Variants in ERC1 observed in about 807,000 individuals in gnomAD.
The protein encoded by ERC1 is RAB6 interacting protein 2.
Under a neutral mutation model 132.0 loss-of-function variants are expected in ERC1, and 56 were observed. The observed-to-expected ratio is 0.42, with a 90% CI of 0.34 to 0.53. The LOEUF (loss-of-function observed/expected upper bound fraction) is 0.53. Among genes scored for constraint, ERC1 ranks in the 20% least tolerant of loss-of-function variants. The probability of loss-of-function intolerance (pLI) is 0.03; values close to 1 mark genes in which losing one functional copy is unlikely to be tolerated. For missense variants in ERC1, 1,202 were observed against 1,349.9 expected, an observed-to-expected ratio of 0.89 and a Z score of 1.72; for synonymous variants, 478 against 476.1, an observed-to-expected ratio of 1.00 and a Z score of -0.05.
At chr12:1,137,899 T>C (rs1949417410) in intron 7 of ERC1, among the ~76,000 whole-genome samples, 1 of 142,602 alleles carries the variant, frequency 7.0e-6, no homozygotes, top group South Asian at 2.1e-4. Context: ...ATATTATGTA[T>C]ATTATTTATA....
intron 4 of ERC1, among the ~76,000 whole-genome samples, chr12:1,109,699 T>G (rs1256373798): frequency 6.6e-6 from 1 of 152,216 alleles, no homozygotes; most frequent in Non-Finnish European, 1.5e-5. Context: ...AAAATCATAC[T>G]GTGGATATGA....
At chr12:1,205,209 G>A (rs983902507) in intron 12 of ERC1, among the ~76,000 whole-genome samples, 2 of 151,870 alleles carry the variant, frequency 1.3e-5, no homozygotes, top group African/African-American at 4.8e-5. Flanking sequence ...TGAGAGAAGC[G>A]GCACAAAACA....
chr12:1,118,848 A>C (rs1946739913), intron 7 of ERC1, among the ~76,000 whole-genome samples: 3 of 152,216 alleles, frequency 2.0e-5, no homozygotes, highest in Non-Finnish European at 4.4e-5. Context: ...ATATGAAAAA[A>C]GAACATGGAG....
intron 13 of ERC1, among the ~76,000 whole-genome samples, chr12:1,239,220 A>G (rs968558501): frequency 6.6e-6 from 1 of 152,002 alleles, no homozygotes; most frequent in Admixed American, 6.6e-5. Context: ...GCAGGCTTGT[A>G]ATTTTTTAAT....
chr12:1,385,352 G>T (rs916314548), intron 16 of ERC1, among the ~76,000 whole-genome samples: 2 of 151,762 alleles, frequency 1.3e-5, no homozygotes, highest in Non-Finnish European at 2.9e-5. Flanking sequence ...GTGTGATCAC[G>T]GCTCACTGCA....
intron 16 of ERC1, among the ~76,000 whole-genome samples, chr12:1,381,851 G>T (rs2088711585): frequency 6.6e-6 from 1 of 152,122 alleles, no homozygotes; most frequent in African/African-American, 2.4e-5. Context: ...GCCATTCTGT[G>T]CTTTTTTTCA....
At chr12:1,445,733 C>A (rs896077916) in intron 18 of ERC1, among the ~76,000 whole-genome samples, 2 of 152,054 alleles carry the variant, frequency 1.3e-5, no homozygotes, top group African/African-American at 4.8e-5. Flanking sequence ...CTCAAGTATC[C>A]GAAAGGGCTG....
intron 18 of ERC1, among the ~76,000 whole-genome samples, chr12:1,454,045 C>T (rs1206224965): frequency 6.6e-6 from 1 of 152,042 alleles, no homozygotes; most frequent in Non-Finnish European, 1.5e-5. Context: ...GACTCTCCAG[C>T]CCACACCCCA....
At chr12:1,056,753 C>T (rs534546443) in intron 2 of ERC1, among the ~76,000 whole-genome samples, 16 of 152,220 alleles carry the variant, frequency 1.1e-4, no homozygotes, top group African/African-American at 2.4e-4. Context: ...CCCAGGTAGC[C>T]GTTTTCTGTT....
intron 11 of ERC1, 140 bp downstream of exon 11, chr12:1,183,561 T>C: frequency 2.1e-6 from 1 of 474,360 alleles, no homozygotes. Flanking sequence ...TCTGAATTAA[T>C]TATCTTAGCA....
chr12:996,668 ATTG>A (rs1317886022), intron 1 of ERC1, among the ~76,000 whole-genome samples: 3 of 152,132 alleles, frequency 2.0e-5, no homozygotes, highest in Non-Finnish European at 4.4e-5. Context: ...ATGACTTCTT[ATTG>A]TTGTTGTTAA....
At chr12:1,043,339 G>A (rs139327726) in intron 2 of ERC1, among the ~76,000 whole-genome samples, 7 of 152,128 alleles carry the variant, frequency 4.6e-5, no homozygotes, top group African/African-American at 7.2e-5. Flanking sequence ...CACTGCGCCC[G>A]GCCTGTACAG....
intron 13 of ERC1, among the ~76,000 whole-genome samples, chr12:1,260,826 T>C (rs971829410): frequency 5.3e-5 from 8 of 152,256 alleles, no homozygotes; most frequent in Admixed American, 5.2e-4. Context: ...ATGTGACTTA[T>C]AATATCACGT....
At chr12:1,285,459 G>T (rs1039378510) in intron 14 of ERC1, among the ~76,000 whole-genome samples, 1 of 152,056 alleles carries the variant, frequency 6.6e-6, no homozygotes, top group African/African-American at 2.4e-5. Flanking sequence ...AAGAAAAATG[G>T]CACAATGAAC....
intron 15 of ERC1, among the ~76,000 whole-genome samples, chr12:1,313,598 C>CA (rs1566562967): frequency 1.3e-5 from 2 of 151,694 alleles, no homozygotes; most frequent in Non-Finnish European, 2.9e-5. Context: ...TCAAATTGTA[C>CA]AAAAAATTGA....
chr12:1,443,319 A>G (rs1278421413), intron 17 of ERC1: 1 of 152,186 alleles, frequency 6.6e-6, no homozygotes, highest in Non-Finnish European at 1.5e-5. Context: ...ATAAAACTTT[A>G]TTTCTTAAAA....
chr12:1,099,639 T>A (rs1387221689), intron 3 of ERC1, among the ~76,000 whole-genome samples: 2 of 152,162 alleles, frequency 1.3e-5, no homozygotes, highest in Non-Finnish European at 2.9e-5. Context: ...ATCATTGTAC[T>A]GTGTATTGTT....
At chr12:1,196,972 A>ATT in intron 12 of ERC1, among the ~76,000 whole-genome samples, 1 of 58,264 alleles carries the variant, frequency 1.7e-5, no homozygotes, top group African/African-American at 1.3e-4. Flanking sequence ...ATATATATAT[A>ATT]TATATTTTTT....
At chr12:1,080,935 A>G (rs990659986) in intron 2 of ERC1, among the ~76,000 whole-genome samples, 3 of 152,158 alleles carry the variant, frequency 2.0e-5, no homozygotes, top group African/African-American at 7.2e-5. Context: ...TATTTCCAAA[A>G]AAAAAAAAAG....
Sources: gnomAD v4.1 joint callset for allele counts (sites outside exome capture counted in the v4.1 genomes callset) on GRCh38, gnomAD v4.1.1 for gene constraint, MANE v1.5 for transcripts, NCBI Gene and HGNC (gene_info 2026-07-23, HGNC 2026-07-21) for gene names.